ADK: variants seen among roughly 807,000 people sequenced by gnomAD.
ADK encodes N6,N6-dimethyladenosine kinase.
ADK carries 24 observed loss-of-function variants against 44.7 expected under a neutral mutation model. The observed-to-expected ratio is 0.54, with a 90% CI of 0.39 to 0.76. The LOEUF (loss-of-function observed/expected upper bound fraction) is 0.76, where lower values mean the gene tolerates loss of function less well. ADK is among the 30% of genes least tolerant of loss of function. The pLI, the probability that ADK is intolerant of heterozygous loss-of-function variation, is 0.00. For missense variants in ADK, 321 were observed against 425.1 expected (o/e 0.76, Z 2.15); for synonymous variants, 128 against 142.6 (o/e 0.90, Z 0.73).
intron 3 of ADK, among the ~76,000 whole-genome samples, chr10:74,231,498 A>G (rs1330288864): frequency 1.3e-5 from 2 of 150,384 alleles, no homozygotes; most frequent in Non-Finnish European, 3.0e-5. Flanking sequence ...GACAAGATCT[A>G]ACTCTGTTGC....
intron 7 of ADK, among the ~76,000 whole-genome samples, chr10:74,526,442 G>T (rs1452714823): frequency 6.6e-6 from 1 of 152,132 alleles, no homozygotes; most frequent in Non-Finnish European, 1.5e-5. Context: ...CCTATGACTT[G>T]GCCATGTCAC....
chr10:74,677,863 C>T (rs1365191069), intron 10 of ADK, among the ~76,000 whole-genome samples: 2 of 148,276 alleles, frequency 1.3e-5, no homozygotes, highest in Non-Finnish European at 3.0e-5. Context: ...CATGGTGGCT[C>T]ACACCTGTAA....
chr10:74,506,093 G>A (rs1197167277), intron 6 of ADK: 1 of 152,182 alleles, frequency 6.6e-6, no homozygotes, highest in African/African-American at 2.4e-5. Context: ...GCTTTAAGTT[G>A]TCATATAATG....
chr10:74,502,341 T>TATAAGAA (rs1358953891), intron 6 of ADK, among the ~76,000 whole-genome samples: 3 of 152,182 alleles, frequency 2.0e-5, no homozygotes, highest in Non-Finnish European at 2.9e-5. Context: ...TTGTGCCACA[T>TATAAGAA]ATAAGAAATG....
chr10:74,463,689 T>C (rs934473139), intron 6 of ADK, among the ~76,000 whole-genome samples: 2 of 152,204 alleles, frequency 1.3e-5, no homozygotes, highest in Non-Finnish European at 2.9e-5. Flanking sequence ...ACAATTCTAA[T>C]TGTGTCATTG....
At chr10:74,211,479 C>A (rs576662795) in intron 2 of ADK, among the ~76,000 whole-genome samples, 1 of 152,180 alleles carries the variant, frequency 6.6e-6, no homozygotes, top group South Asian at 2.1e-4. Context: ...ACGTATACAT[C>A]TTATGGTAGT....
At chr10:74,448,455 G>GCA (rs1201130824) in intron 6 of ADK, among the ~76,000 whole-genome samples, 1 of 152,034 alleles carries the variant, frequency 6.6e-6, no homozygotes, top group Non-Finnish European at 1.5e-5. Flanking sequence ...ATGTATATAT[G>GCA]TGTATATATA....
intron 3 of ADK, among the ~76,000 whole-genome samples, chr10:74,244,305 G>A (rs891691908): frequency 6.6e-6 from 1 of 152,104 alleles, no homozygotes; most frequent in East Asian, 1.9e-4. Context: ...TTTTATCTGC[G>A]ACAATAAGTA....
At chr10:74,423,643 G>A (rs762470452) in intron 6 of ADK, 1 of 390,776 alleles carries the variant, frequency 2.6e-6, no homozygotes, top group Non-Finnish European at 5.0e-6. Context: ...GTGGAATTCT[G>A]GGGCTTTCTT....
intron 9 of ADK, among the ~76,000 whole-genome samples, chr10:74,628,481 T>G (rs1378501346): frequency 1.3e-5 from 2 of 151,438 alleles, no homozygotes; most frequent in Admixed American, 1.3e-4. Context: ...TGAAAAAAAC[T>G]TAATCCAGGT....
chr10:74,332,489 A>G (rs934906444), intron 4 of ADK, among the ~76,000 whole-genome samples: 5 of 152,216 alleles, frequency 3.3e-5, no homozygotes, highest in African/African-American at 1.2e-4. Flanking sequence ...GACTAGTATA[A>G]TTATTCATGG....
intron 9 of ADK, among the ~76,000 whole-genome samples, chr10:74,648,229 A>G (rs1817472769): frequency 6.6e-6 from 1 of 152,196 alleles, no homozygotes; most frequent in African/African-American, 2.4e-5. Flanking sequence ...CTGTCCTACA[A>G]GAAATGCTAA....
intron 1 of ADK, among the ~76,000 whole-genome samples, chr10:74,155,002 G>T (rs1841708706): frequency 6.6e-6 from 1 of 152,142 alleles, no homozygotes; most frequent in Non-Finnish European, 1.5e-5. Context: ...TACTCCATCT[G>T]ACATTAGCAA....
chr10:74,589,109 T>G (rs1430252274), intron 7 of ADK, among the ~76,000 whole-genome samples, 173 bp from the exon 8 acceptor site: 1 of 152,144 alleles, frequency 6.6e-6, no homozygotes, highest in Non-Finnish European at 1.5e-5. Context: ...TTTTTATTAT[T>G]ATTATTCCAA....
chr10:74,646,432 T>C (rs924142627), intron 9 of ADK, among the ~76,000 whole-genome samples: 4 of 152,230 alleles, frequency 2.6e-5, no homozygotes, highest in South Asian at 2.1e-4. Flanking sequence ...CGATGTTTGC[T>C]TTAGGCCCAA....
intron 4 of ADK, among the ~76,000 whole-genome samples, chr10:74,328,126 C>A (rs1301840668): frequency 6.6e-6 from 1 of 152,148 alleles, no homozygotes; most frequent in Non-Finnish European, 1.5e-5. Flanking sequence ...CCAGGCTGGT[C>A]TTGAACTCCT....
chr10:74,484,399 C>T (rs758517705), intron 6 of ADK, among the ~76,000 whole-genome samples: 2 of 152,118 alleles, frequency 1.3e-5, no homozygotes, highest in Non-Finnish European at 2.9e-5. Flanking sequence ...ACACGTGATT[C>T]GGATGGGAAC....
chr10:74,618,299 T>C (rs959258205), intron 9 of ADK, among the ~76,000 whole-genome samples: 2 of 152,166 alleles, frequency 1.3e-5, no homozygotes, highest in Non-Finnish European at 2.9e-5. Context: ...TTTCTTTTTC[T>C]TCTCATTTAG....
intron 7 of ADK, among the ~76,000 whole-genome samples, chr10:74,562,625 T>G (rs192593766): frequency 6.6e-6 from 1 of 152,216 alleles, no homozygotes; most frequent in East Asian, 1.9e-4. Flanking sequence ...ACAGAGAAAA[T>G]CAAGTCTTTA....
Sources: gnomAD v4.1 joint callset for allele counts (sites outside exome capture counted in the v4.1 genomes callset) on GRCh38, gnomAD v4.1.1 for gene constraint, MANE v1.5 for transcripts, NCBI Gene and HGNC (gene_info 2026-07-23, HGNC 2026-07-21) for gene names.